The following DCAF17 variants were observed in gnomAD, a reference collection of about 807,000 sequenced individuals.
DCAF17 encodes DDB1 and CUL4 associated factor 17.
DCAF17 carries 48 observed loss-of-function variants against 66.0 expected under a neutral mutation model. The ratio of observed to expected loss-of-function variants is 0.73; its 90% confidence interval spans 0.58 to 0.92. The LOEUF (loss-of-function observed/expected upper bound fraction) is 0.92. Among genes scored for constraint, DCAF17 ranks in the 40% least tolerant of loss-of-function variants. DCAF17 has a pLI of 0.00. For synonymous variants in DCAF17, 206 were observed against 214.6 expected, an observed-to-expected ratio of 0.96 and a Z score of 0.35; for missense variants, 562 against 622.8, an observed-to-expected ratio of 0.90 and a Z score of 1.04.
Position 171,481,243 on chromosome 2 carries a change from T to G in DCAF17, c.*129T>G, listed in dbSNP as rs1345220178. The G allele has an allele frequency of 9.0e-7, 1 of 1,116,114 alleles. No homozygotes were observed. Among genetic ancestry groups the G allele is most frequent in the East Asian group, 2.5e-5 (1 of 40,630 alleles). 69.1% of individuals were successfully genotyped at this position (1,116,114 alleles called of 1,614,324 possible). Reference sequence around the variant, plus strand: ...AAAAAAGTCTTGTGTTGACTTCAGATGACTATGACTTCTTTTTTAAACTCT... The same window carrying G: ...AAAAAAGTCTTGTGTTGACTTCAGAGGACTATGACTTCTTTTTTAAACTCT... On this transcript the variant is annotated 3_prime_UTR_variant, in exon 14 of 14. Coordinates refer to ENST00000375255, the MANE Select transcript of DCAF17 (RefSeq NM_025000.4).
intron 5 of DCAF17, among the ~76,000 whole-genome samples, chr2:171,451,092 A>G (rs1361964883): frequency 1.3e-5 from 2 of 151,722 alleles, no homozygotes; most frequent in Non-Finnish European, 2.9e-5. Flanking sequence ...TTGTTTAGAT[A>G]ACTACATCAA....
At chr2:171,462,690 G>A (rs1695654157) in intron 8 of DCAF17, among the ~76,000 whole-genome samples, 2 of 152,082 alleles carry the variant, frequency 1.3e-5, no homozygotes, top group African/African-American at 2.4e-5. Context: ...CTTGAACCCA[G>A]CAACTTCAGT....
At chr2:171,469,259 A>G (rs1302133707) in intron 9 of DCAF17, among the ~76,000 whole-genome samples, 1 of 152,238 alleles carries the variant, frequency 6.6e-6, no homozygotes, top group East Asian at 1.9e-4. Flanking sequence ...CAAGAATTTT[A>G]TAGTTTTTTT....
At chr2:171,449,777 T>G (rs919680844) in intron 4 of DCAF17, 102 bp from the exon 5 acceptor site, 2 of 774,606 alleles carry the variant, frequency 2.6e-6, no homozygotes, top group African/African-American at 1.8e-5. Context: ...CTTTTATAAT[T>G]TAAATAACTA....
intron 13 of DCAF17, among the ~76,000 whole-genome samples, 181 bp downstream of exon 13, chr2:171,480,374 T>A (rs923422341): frequency 6.6e-6 from 1 of 152,180 alleles, no homozygotes; most frequent in African/African-American, 2.4e-5. Flanking sequence ...CCCTGGGCAC[T>A]AGGGGATCCT....
chr2:171,447,465 AT>A, intron 3 of DCAF17: 1 of 225,462 alleles, frequency 4.4e-6, no homozygotes. Context: ...GGTTCAAGTG[AT>A]TCTCCTGCCT....
chr2:171,434,920 T>G, intron 1 of DCAF17, 163 bp from the exon 2 acceptor site: 1 of 1,042,396 alleles, frequency 9.6e-7, no homozygotes, highest in Non-Finnish European at 1.4e-6. Flanking sequence ...ACAATTATTC[T>G]AAAAGTTGGT....
chr2:171,451,491 A>C (rs999875069), intron 5 of DCAF17, among the ~76,000 whole-genome samples: 41 of 152,194 alleles, frequency 2.7e-4, no homozygotes, highest in Non-Finnish European at 5.3e-4. Context: ...AAAAAGCAAA[A>C]CATTTTGCTA....
chr2:171,460,929 A>T lies in DCAF17; in HGVS notation c.838+2452A>T, dbSNP rs1349308524. 2.0e-5 allele frequency among the ~76,000 whole-genome samples: 3 copies of T among 152,174 alleles called. No homozygotes were observed. In the East Asian group the frequency reaches 5.8e-4, roughly 29 times the overall value. On this transcript the variant is annotated intron_variant, in intron 8 of 13. Transcript: ENST00000375255. The stretch of plus-strand genomic sequence containing the variant: ...AACATGATCTATGAAATCATTTGTC[A>T]TTGTAAAAAAAAATAATTCAATGAT...
chr2:171,460,024 C>G (rs2105777714), intron 8 of DCAF17, among the ~76,000 whole-genome samples: 1 of 152,054 alleles, frequency 6.6e-6, no homozygotes, highest in East Asian at 1.9e-4. Flanking sequence ...TGTTGAAATG[C>G]AAATAAAAAG....
At chr2:171,476,574 AT>A (rs2105808011) in intron 10 of DCAF17, among the ~76,000 whole-genome samples, 1 of 152,342 alleles carries the variant, frequency 6.6e-6, no homozygotes, top group South Asian at 2.1e-4. Context: ...AGTAACTTTC[AT>A]TAAGCCAGTT....
intron 2 of DCAF17, among the ~76,000 whole-genome samples, chr2:171,441,450 C>T (rs138041470): frequency 6.6e-6 from 1 of 152,176 alleles, no homozygotes; most frequent in South Asian, 2.1e-4. Context: ...GTATCCTCAG[C>T]TGTGCTACAT....
Position 171,468,905 on chromosome 2 carries a change from T to C in DCAF17, c.856T>C (p.Phe286Leu), listed in dbSNP as rs1696076631. ...IKITDMPPLL[F>L]EVSSLENAFQ... ...CTCTACAGACATGCCACCACTGCTCTTTGAGGTGTCATCCCTGGAGAATGC... is the reference window on the plus strand; with the variant it reads ...CTCTACAGACATGCCACCACTGCTCCTTGAGGTGTCATCCCTGGAGAATGC... Residue 286 changes from phenylalanine (F) to leucine (L), a missense_variant, in exon 9 of 14, where the codon TTT (phenylalanine) becomes CTT (leucine). This residue lies in a region of DCAF17 where 348 missense variants were observed against 355.9 expected (regional missense o/e 0.98). Coordinates refer to ENST00000375255, the MANE Select transcript of DCAF17 (RefSeq NM_025000.4). The C allele has an allele frequency of 2.5e-6, 4 of 1,614,118 alleles. No homozygotes were observed. The South Asian group carries it at 3.3e-5, about 13-fold the overall frequency.
chr2:171,471,038 G>A (rs1696217719), intron 9 of DCAF17, among the ~76,000 whole-genome samples: 1 of 152,160 alleles, frequency 6.6e-6, no homozygotes, highest in Non-Finnish European at 1.5e-5. Context: ...GGTTTCCAAG[G>A]AATTACTTTA....
intron 13 of DCAF17, among the ~76,000 whole-genome samples, chr2:171,480,493 T>C (rs940999969): frequency 6.6e-6 from 1 of 152,208 alleles, no homozygotes; most frequent in African/African-American, 2.4e-5. Context: ...AAAAATTTTT[T>C]AAAATAAGAG....
chr2:171,436,346 T>C (rs894641064), intron 2 of DCAF17, among the ~76,000 whole-genome samples: 4 of 152,340 alleles, frequency 2.6e-5, no homozygotes, highest in East Asian at 1.9e-4. Context: ...AGGAATGGAA[T>C]TGGTAGGTCA....
chr2:171,484,419 A>T lies in DCAF17; in HGVS notation c.*3305A>T. 1 of 406,546 alleles carries T rather than the reference A, an allele frequency of 2.5e-6. No individual in the cohort carries two copies. Among genetic ancestry groups the T allele is most frequent in the Non-Finnish European group, 4.8e-6 (1 of 209,002 alleles). 25.2% of individuals were successfully genotyped at this position (406,546 alleles called of 1,614,324 possible). On this transcript the variant is annotated 3_prime_UTR_variant, in exon 14 of 14. Coordinates refer to ENST00000375255, the MANE Select transcript of DCAF17 (RefSeq NM_025000.4). ...TAAAATTGAAAGAATTTTATAGTAA[A>T]TACTGACCACGGGGATTCTACATCT...
chr2:171,445,927 C>T (rs1694594663), intron 3 of DCAF17, among the ~76,000 whole-genome samples: 1 of 152,042 alleles, frequency 6.6e-6, no homozygotes, highest in East Asian at 1.9e-4. Context: ...AAGTGATCTG[C>T]CCGCCTTGGC....
chr2:171,470,796 T>C (rs952342470), intron 9 of DCAF17, among the ~76,000 whole-genome samples: 9 of 152,280 alleles, frequency 5.9e-5, no homozygotes, highest in South Asian at 2.1e-4. Flanking sequence ...TATTATTTCA[T>C]ACACAAACAC....
Sources: gnomAD v4.1 joint callset for allele counts (sites outside exome capture counted in the v4.1 genomes callset) on GRCh38, gnomAD v4.1.1 for gene constraint, gnomAD v4.1.1 regional missense constraint, MANE v1.5 for transcripts, NCBI Gene and HGNC (gene_info 2026-07-23, HGNC 2026-07-21) for gene names.